SBK3: variants seen among roughly 807,000 people sequenced by gnomAD.
SBK3 encodes the protein uncharacterized serine/threonine-protein kinase SBK3.
Under a neutral mutation model 12.7 loss-of-function variants are expected in SBK3, and 16 were observed. The observed-to-expected ratio is 1.26, with a 90% CI of 0.86 to 1.92. The LOEUF (loss-of-function observed/expected upper bound fraction) is 1.92. Ranked by LOEUF, SBK3 falls within the 40% of genes most tolerant of loss-of-function variation. The pLI, the probability that SBK3 is intolerant of heterozygous loss-of-function variation, is 0.00. For synonymous variants in SBK3, 217 were observed against 213.6 expected, an observed-to-expected ratio of 1.02 and a Z score of -0.14; for missense variants, 462 against 481.8, an observed-to-expected ratio of 0.96 and a Z score of 0.38.
At chr19:55,543,176 T>C (rs1190864504) in intron 3 of SBK3, among the ~76,000 whole-genome samples, 1 of 89,796 alleles carries the variant, frequency 1.1e-5, no homozygotes, top group Non-Finnish European at 2.2e-5. Context: ...CACCCACCCA[T>C]CCATCCACCC....
rs1026198271 is a variant in SBK3 at position 55,545,108 on chromosome 19, C to T, written c.46-159G>A. 15 of 610,702 alleles carry T rather than the reference C, an allele frequency of 2.5e-5. No homozygotes were observed. Among genetic ancestry groups the T allele is most frequent in the Non-Finnish European group, 3.7e-5 (13 of 355,348 alleles). 37.8% of individuals were successfully genotyped at this position (610,702 alleles called of 1,614,324 possible). On this transcript the variant is annotated intron_variant, in intron 1 of 3. Transcript: ENST00000612221. The surrounding 1 kb of genome is among the most constrained non-coding windows in gnomAD (Gnocchi z 4.4). ...TGAGTCACAGTGACTCACCCGGACT[C>T]GGGCCACCTGTTTTTGTGTCCTGGA...
In SBK3 at chr19:55,545,449, C is replaced by G; in HGVS notation, c.45+50G>C. The G allele has an allele frequency of 7.0e-7, 1 of 1,432,960 alleles. No homozygotes were observed. Among genetic ancestry groups the G allele is most frequent in the Non-Finnish European group, 9.5e-7 (1 of 1,055,944 alleles). 88.8% of individuals were successfully genotyped at this position (1,432,960 alleles called of 1,614,324 possible). On this transcript the variant is annotated intron_variant, in intron 1 of 3. Transcript: ENST00000612221. The surrounding 1 kb of genome is among the most constrained non-coding windows in gnomAD (Gnocchi z 4.4). ...TCTCCCCGTGTTGCCTCCTGCCTCT[C>G]TCTCCTTCTTTTCTCTCTCTGTCTT... is the stretch of plus-strand genomic sequence containing the variant.
In SBK3 at chr19:55,540,872, T is replaced by C; in HGVS notation, c.1054A>G (p.Thr352Ala). Residue 352 changes from threonine (T) to alanine (A), a missense_variant, in exon 4 of 4, where the codon ACG (threonine) becomes GCG (alanine). Transcript: ENST00000612221. ...EGDDSKSGGR[T>A]GTDGGAP ...CAGGGAGCTCCCCCATCTGTCCCCG[T>C]CCTCCCACCACTTTTGCTGTCATCA... The C allele has an allele frequency of 6.5e-7, 1 of 1,535,910 alleles. No homozygotes were observed. The highest frequency in any genetic ancestry group is 8.7e-7 in the Non-Finnish European group (1 of 1,146,834).
At position 55,540,863 on chromosome 19, in the gene SBK3, C is replaced by A. The variant is rs989505833; in HGVS notation, c.1063G>T (p.Asp355Tyr). 12 of 1,535,980 alleles carry A rather than the reference C, an allele frequency of 7.8e-6. No homozygotes were observed. The highest frequency in any genetic ancestry group is 1.0e-5 in the Non-Finnish European group (12 of 1,146,880). The change falls in exon 4 of 4, where the codon GAT (aspartate) becomes TAT (tyrosine). Residue 355 changes from aspartate (D) to tyrosine (Y), a missense_variant. Physicochemically the swap from Asp to Tyr is radical, Grantham distance 160. Transcript: ENST00000612221. Reference protein sequence around the residue: ...DSKSGGRTGTDGGAP With the variant: ...DSKSGGRTGTYGGAP ...TCACCTGGTCAGGGAGCTCCCCCAT[C>A]TGTCCCCGTCCTCCCACCACTTTTG... is the stretch of plus-strand genomic sequence containing the variant.
rs981287624 is a variant in SBK3 at position 55,544,844 on chromosome 19, A to G, written c.151T>C (p.Ser51Pro). 2 of 1,532,136 alleles carry G rather than the reference A, an allele frequency of 1.3e-6. No homozygotes were observed. The highest frequency in any genetic ancestry group is 1.7e-6 in the Non-Finnish European group (2 of 1,145,274). 94.9% of individuals were successfully genotyped at this position (1,532,136 alleles called of 1,614,324 possible). Residue 51 changes from serine to proline, a missense_variant, in exon 2 of 4, where the codon TCC becomes CCC. Ser to Pro is a moderately conservative substitution (Grantham distance 74). Coordinates refer to ENST00000612221, the MANE Select transcript of SBK3 (RefSeq NM_001199824.2). The stretch of plus-strand genomic sequence containing the variant: ...AGGAGCACGCGGCCGTAGGAGCCGG[A>G]GCCCAGCTTCCGGATGAGGTGGTAC... ...DQYHLIRKLG[S>P]GSYGRVLLAQ...
chr19:55,541,641 A>C lies in SBK3; in HGVS notation c.400-115T>G. The C allele has an allele frequency of 3.7e-6, 3 of 800,380 alleles. No individual in the cohort carries two copies. The highest frequency in any genetic ancestry group is 1.7e-5 in the African/African-American group (1 of 57,610). The allele number at this position is 800,380 out of a possible 1,614,324, so 49.6% of individuals were successfully genotyped here. On this transcript the variant is annotated intron_variant, in intron 3 of 3. Coordinates refer to ENST00000612221, the MANE Select transcript of SBK3 (RefSeq NM_001199824.2). The surrounding 1 kb of genome is among the most constrained non-coding windows in gnomAD (Gnocchi z 5.3). ...GCGATCCTCCTGCCTTGGCCTCCCA[A>C]AGTGCTGGGATTATAGGCATGAGGC...
At chr19:55,543,448 C>T (rs1568496721) in intron 3 of SBK3, among the ~76,000 whole-genome samples, 1 of 150,948 alleles carries the variant, frequency 6.6e-6, no homozygotes, top group Non-Finnish European at 1.5e-5. Flanking sequence ...TTCTAATTCT[C>T]AATGAGACTC....
In SBK3 at chr19:55,541,606, C is replaced by T. The variant is rs1020517237; in HGVS notation, c.400-80G>A. ...TGTTGTCCAGGCTGGTCTCAAACTCCTGGCCTCAAGCGATCCTCCTGCCTT... is the reference window on the plus strand; with the variant it reads ...TGTTGTCCAGGCTGGTCTCAAACTCTTGGCCTCAAGCGATCCTCCTGCCTT... On this transcript the variant is annotated intron_variant, in intron 3 of 3. Transcript: ENST00000612221. This position sits in a 1 kb window ranked among gnomAD's most constrained non-coding sequence, Gnocchi z 5.3. 1 of 1,225,872 alleles carries T rather than the reference C, an allele frequency of 8.2e-7. No homozygotes were observed. Among genetic ancestry groups the T allele is most frequent in the Non-Finnish European group, 1.1e-6 (1 of 904,642 alleles). The allele number at this position is 1,225,872 out of a possible 1,614,324, so 75.9% of individuals were successfully genotyped here.
rs937267697 is a variant in SBK3 at position 55,541,060 on chromosome 19, A to G, written c.866T>C (p.Leu289Pro). 7.8e-6 allele frequency: 12 copies of G among 1,535,888 alleles called. No individual in the cohort carries two copies. The highest frequency in any genetic ancestry group is 9.6e-6 in the Non-Finnish European group (11 of 1,146,874). Residue 289 changes from leucine (L) to proline (P), a missense_variant, in exon 4 of 4, where the codon CTG becomes CCG. Leu to Pro is a moderately conservative substitution (Grantham distance 98). Coordinates refer to ENST00000612221, the MANE Select transcript of SBK3 (RefSeq NM_001199824.2). The surrounding 1 kb of genome is among the most constrained non-coding windows in gnomAD (Gnocchi z 5.3). ...ALALLQGLLD[L>P]DPETRSPPLA... ...TGGGGGGCTCCTAGTCTCGGGATCC[A>G]GGTCCAGAAGCCCCTGGAGCAAGGC...
chr19:55,545,476 C>T lies in SBK3; in HGVS notation c.45+23G>A. 1 of 1,515,344 alleles carries T rather than the reference C, an allele frequency of 6.6e-7. No individual in the cohort carries two copies. Among genetic ancestry groups the T allele is most frequent in the Non-Finnish European group, 8.9e-7 (1 of 1,128,822 alleles). The allele number at this position is 1,515,344 out of a possible 1,614,324, so 93.9% of individuals were successfully genotyped here. The stretch of plus-strand genomic sequence containing the variant: ...CTCCTTCTTTTCTCTCTCTGTCTTC[C>T]TCCCCTGGCTCCCGTCTCTCACCTC... On this transcript the variant is annotated intron_variant, in intron 1 of 3. Coordinates refer to ENST00000612221, the MANE Select transcript of SBK3 (RefSeq NM_001199824.2). This position sits in a 1 kb window ranked among gnomAD's most constrained non-coding sequence, Gnocchi z 4.4.
rs994808329 is a variant in SBK3 at position 55,544,069 on chromosome 19, C to T, written c.399+31G>A. 48 of 1,430,874 alleles carry T rather than the reference C, an allele frequency of 3.4e-5. No individual in the cohort carries two copies. In the African/African-American group the frequency reaches 4.7e-4, roughly 14 times the overall value. 88.6% of individuals were successfully genotyped at this position (1,430,874 alleles called of 1,614,324 possible). A position where few individuals can be genotyped will look rare whatever the true frequency, so the allele number is the denominator to read the frequency against. On this transcript the variant is annotated intron_variant, in intron 3 of 3. Transcript: ENST00000612221. ...GGGACAGAGTTGGACCTGGGATAAG[C>T]ACTCCCAACCTTTGTCCCTCGTGGC...
chr19:55,540,749 G>T lies in SBK3; in HGVS notation c.*97C>A. The T allele has an allele frequency of 9.7e-7, 1 of 1,026,668 alleles. No homozygotes were observed. The highest frequency in any genetic ancestry group is 1.5e-6 in the Non-Finnish European group (1 of 681,458). 63.6% of individuals were successfully genotyped at this position (1,026,668 alleles called of 1,614,324 possible). ...GGAGAGTGCAATGTGTTCCCTCTCT[G>T]TCCTCCCGGGTGCAGCTGTCTCTCC... On this transcript the variant is annotated 3_prime_UTR_variant, in exon 4 of 4. Transcript: ENST00000612221.
rs949106496 is a variant in SBK3 at position 55,544,913 on chromosome 19, G to T, written c.82C>A (p.Leu28Met). 1.3e-6 allele frequency: 2 copies of T among 1,534,110 alleles called. No individual in the cohort carries two copies. Among genetic ancestry groups the T allele is most frequent in the African/African-American group, 2.7e-5 (2 of 72,936 alleles). The change falls in exon 2 of 4, where the codon CTG becomes ATG. Residue 28 changes from leucine to methionine, a missense_variant. Transcript: ENST00000612221. ...ACCGGGGTCACCCTGCTGGTCGTCA[G>T]CTCCACCAGCCGTTGGAGGGCTGTG... ...TATALQRLVELTTSRVTPVRS... is the reference protein window; with the variant it reads ...TATALQRLVEMTTSRVTPVRS...
rs996821293 is a variant in SBK3 at position 55,541,256 on chromosome 19, C to T, written c.670G>A (p.Asp224Asn). ...AGAAGCACCCCCAGGCCCCAGGAGTCCACGGCTGGCCGCAGAGGCAGGGTG... is the reference window on the plus strand; with the variant it reads ...AGAAGCACCCCCAGGCCCCAGGAGTTCACGGCTGGCCGCAGAGGCAGGGTG... ...PDTLPLRPAV[D>N]SWGLGVLLFC... Residue 224 changes from aspartate to asparagine, a missense_variant, in exon 4 of 4, where the codon GAC becomes AAC. Transcript: ENST00000612221. This position sits in a 1 kb window ranked among gnomAD's most constrained non-coding sequence, Gnocchi z 5.3. 19 of 1,535,894 alleles carry T rather than the reference C, an allele frequency of 1.2e-5. No homozygotes were observed. The highest frequency in any genetic ancestry group is 5.9e-5 in the Admixed American group (3 of 50,980).
At chr19:55,544,729 G>A (rs1988633838) in intron 2 of SBK3, 70 bp downstream of exon 2, 1 of 1,405,578 alleles carries the variant, frequency 7.1e-7, no homozygotes, top group Non-Finnish European at 9.4e-7. Context: ...AATGCCCCCT[G>A]TCTGGGTGGC....
In SBK3 at chr19:55,544,291, C is replaced by A; in HGVS notation, c.208G>T (p.Ala70Ser). Residue 70 changes from alanine to serine, a missense_variant, in exon 3 of 4, where the codon GCT (alanine) becomes TCT (serine). Coordinates refer to ENST00000612221, the MANE Select transcript of SBK3 (RefSeq NM_001199824.2). ...AAATCCCGACGCAGGAGCTTCAGAGCCACAGCTGGACCTGCCAGGGAGATG... is the reference window on the plus strand; with the variant it reads ...AAATCCCGACGCAGGAGCTTCAGAGACACAGCTGGACCTGCCAGGGAGATG... ...AQPHQGGPAVALKLLRRDLVL... is the reference protein window; with the variant it reads ...AQPHQGGPAVSLKLLRRDLVL... The A allele has an allele frequency of 6.5e-7, 1 of 1,535,692 alleles. No individual in the cohort carries two copies. Among genetic ancestry groups the A allele is most frequent in the East Asian group, 2.4e-5 (1 of 40,908 alleles).
Position 55,545,101 on chromosome 19 carries a change from C to A in SBK3, c.46-152G>T. ...AGGAGGATGAGTCACAGTGACTCAC[C>A]CGGACTCGGGCCACCTGTTTTTGTG... On this transcript the variant is annotated intron_variant, in intron 1 of 3. Coordinates refer to ENST00000612221, the MANE Select transcript of SBK3 (RefSeq NM_001199824.2). The surrounding 1 kb of genome is among the most constrained non-coding windows in gnomAD (Gnocchi z 4.4). 1 of 633,240 alleles carries A rather than the reference C, an allele frequency of 1.6e-6. No individual in the cohort carries two copies. Among genetic ancestry groups the A allele is most frequent in the East Asian group, 2.9e-5 (1 of 34,068 alleles). 39.2% of individuals were successfully genotyped at this position (633,240 alleles called of 1,614,324 possible). A position where few individuals can be genotyped will look rare whatever the true frequency, so the allele number is the denominator to read the frequency against.
chr19:55,542,749 C>T (rs1445075733), intron 3 of SBK3, among the ~76,000 whole-genome samples: 1 of 149,830 alleles, frequency 6.7e-6, no homozygotes, highest in African/African-American at 2.5e-5. Context: ...TCCATTCACT[C>T]ACCCACAAAA....
chr19:55,544,875 C>A lies in SBK3; in HGVS notation c.120G>T (p.Arg40=). Residue 40 remains arginine (R), a synonymous_variant, in exon 2 of 4, where the codon CGG becomes CGT. Coordinates refer to ENST00000612221, the MANE Select transcript of SBK3 (RefSeq NM_001199824.2). The part of the protein sequence containing the change: ...TSRVTPVRSL[R]DQYHLIRKLG... ...GCTTCCGGATGAGGTGGTACTGGTC[C>A]CGAAGGCTCCTCACCGGGGTCACCC... 1 of 1,534,426 alleles carries A rather than the reference C, an allele frequency of 6.5e-7. No individual in the cohort carries two copies. The highest frequency in any genetic ancestry group is 2.0e-5 in the Admixed American group (1 of 50,968).
Sources: gnomAD v4.1 joint callset for allele counts (sites outside exome capture counted in the v4.1 genomes callset) on GRCh38, gnomAD v4.1.1 for gene constraint, Gnocchi (gnomAD v3.1) non-coding constraint, MANE v1.5 for transcripts, NCBI Gene and HGNC (gene_info 2026-07-23, HGNC 2026-07-21) for gene names.